NCAPG2: variants seen among roughly 807,000 people sequenced by gnomAD.
NCAPG2 encodes non-SMC condensin II complex subunit G2.
A neutral mutation model predicts 141.1 loss-of-function variants in NCAPG2; 53 were observed. The observed-to-expected ratio is 0.38, with a 90% CI of 0.30 to 0.47. The LOEUF is 0.47. Ranked by LOEUF, NCAPG2 falls within the 20% of genes least tolerant of loss-of-function variation. The pLI is 0.99. For missense variants in NCAPG2, 1,087 were observed against 1,389.0 expected (o/e 0.78, Z 3.46); for synonymous variants, 499 against 490.7 (o/e 1.02, Z -0.22).
chr7:158,636,955 CTTT>C (rs913863331), intron 27 of NCAPG2, among the ~76,000 whole-genome samples: 16 of 148,252 alleles, frequency 1.1e-4, no homozygotes, highest in African/African-American at 4.0e-4. Context: ...TCTTCTTCTT[CTTT>C]TTTTTTTGAG....
intron 25 of NCAPG2, among the ~76,000 whole-genome samples, chr7:158,645,834 T>C (rs540148097): frequency 1.3e-5 from 2 of 152,306 alleles, no homozygotes; most frequent in East Asian, 3.9e-4. Flanking sequence ...ACAGGGATGC[T>C]GTGCTGAGTG....
rs915711693 is a variant in NCAPG2 at position 158,633,234 on chromosome 7, C to T, written c.3381-1517G>A. 7.9e-5 allele frequency among the ~76,000 whole-genome samples: 12 copies of T among 152,170 alleles called. No individual in the cohort carries two copies. Among genetic ancestry groups the T allele is most frequent in the Non-Finnish European group, 1.8e-4 (12 of 68,040 alleles). On this transcript the variant is annotated intron_variant, in intron 27 of 27. Transcript: ENST00000356309. This position sits in a 1 kb window ranked among gnomAD's most constrained non-coding sequence, Gnocchi z 4.1. ...TCTATCCCCACCCTCGTGACCTCTC[C>T]TCGTGAGTATTTATGGTCTATGTTC...
intron 8 of NCAPG2, 52 bp from the exon 9 acceptor site, chr7:158,683,438 C>A: frequency 7.3e-7 from 1 of 1,370,832 alleles, no homozygotes; most frequent in South Asian, 1.3e-5. Flanking sequence ...GTCCTACTGA[C>A]GACCTGACAA....
At chr7:158,635,965 T>C (rs1430843717) in intron 27 of NCAPG2, among the ~76,000 whole-genome samples, 2 of 152,244 alleles carry the variant, frequency 1.3e-5, no homozygotes, top group African/African-American at 4.8e-5. Flanking sequence ...TTCATCAATT[T>C]GTCAGATTGA....
At chr7:158,668,372 A>G (rs1161149366) in intron 13 of NCAPG2, 59 of 977,002 alleles carry the variant, frequency 6.0e-5, no homozygotes, top group Non-Finnish European at 6.6e-5. Context: ...CTTACCCACT[A>G]CTGGGTCCCT....
Position 158,650,941 on chromosome 7 carries a change from T to C in NCAPG2, c.2966A>G (p.Glu989Gly). The change falls in exon 24 of 28, where the codon GAG becomes GGG. Residue 989 changes from glutamate to glycine, a missense_variant. Physicochemically the swap from Glu to Gly is moderately conservative, Grantham distance 98. Coordinates refer to ENST00000356309, the MANE Select transcript of NCAPG2 (RefSeq NM_017760.7). ...LLYSVQRPLHEFITAVQSRHT... is the reference protein window; with the variant it reads ...LLYSVQRPLHGFITAVQSRHT... ...CCGAGACTGAACAGCAGTAATGAAC[T>C]CATGAAGAGGCCTCTGAACAGAATA... 6.2e-7 allele frequency: 1 copy of C among 1,612,770 alleles called. No homozygotes were observed.
chr7:158,657,084 T>C (rs1001426916), intron 17 of NCAPG2, among the ~76,000 whole-genome samples: 2 of 152,334 alleles, frequency 1.3e-5, no homozygotes, highest in East Asian at 3.9e-4. Context: ...ATAATTTTTA[T>C]TGAGATAATC....
At chr7:158,647,033 A>C (rs891735129) in intron 24 of NCAPG2, among the ~76,000 whole-genome samples, 1 of 140,450 alleles carries the variant, frequency 7.1e-6, no homozygotes, top group African/African-American at 2.7e-5. Context: ...TCAATATGAC[A>C]AAAAAAAAAA....
At chr7:158,679,868 T>C (rs1834337144) in intron 11 of NCAPG2, 92 bp downstream of exon 11, 1 of 1,475,992 alleles carries the variant, frequency 6.8e-7, no homozygotes, top group Non-Finnish European at 9.1e-7. Flanking sequence ...CTCTGGCGGT[T>C]ACAGGGGAGG....
At chr7:158,662,454 C>A (rs1255969102) in intron 15 of NCAPG2, 87 bp from the exon 16 acceptor site, 3 of 1,209,086 alleles carry the variant, frequency 2.5e-6, no homozygotes, top group East Asian at 5.1e-5. Context: ...AGCTCTAAAG[C>A]AAAAATGTAG....
At chr7:158,654,481 G>T in intron 22 of NCAPG2, 114 bp downstream of exon 22, 2 of 1,051,338 alleles carry the variant, frequency 1.9e-6, no homozygotes, top group Non-Finnish European at 2.7e-6. Flanking sequence ...GATATGCCAG[G>T]TTGCATTATA....
intron 27 of NCAPG2, among the ~76,000 whole-genome samples, chr7:158,643,390 T>C (rs1830776162): frequency 6.6e-6 from 1 of 151,922 alleles, no homozygotes; most frequent in Non-Finnish European, 1.5e-5. Context: ...CTAATTTTTG[T>C]ATTTTTAGTA....
chr7:158,636,663 A>G (rs1830221704), intron 27 of NCAPG2, among the ~76,000 whole-genome samples: 1 of 152,062 alleles, frequency 6.6e-6, no homozygotes, highest in Non-Finnish European at 1.5e-5. Flanking sequence ...CAGCCTCCCA[A>G]AGTGCTGGGA....
chr7:158,690,525 T>G (rs376502551), intron 5 of NCAPG2, 43 bp downstream of exon 5: 38 of 1,581,858 alleles, frequency 2.4e-5, no homozygotes, highest in Non-Finnish European at 3.3e-5. Context: ...ATCTGGGCAA[T>G]AGAGAGAGAC....
At chr7:158,652,637 G>A (rs1044380145) in intron 22 of NCAPG2, among the ~76,000 whole-genome samples, 157 bp from the exon 23 acceptor site, 8 of 152,192 alleles carry the variant, frequency 5.3e-5, no homozygotes, top group African/African-American at 1.9e-4. Context: ...GGTTGATCAG[G>A]TTAACCTAAA....
Position 158,687,430 on chromosome 7 carries a change from G to A in NCAPG2, c.685C>T (p.Leu229Phe). 6.2e-7 allele frequency: 1 copy of A among 1,603,040 alleles called. No homozygotes were observed. Among genetic ancestry groups the A allele is most frequent in the Non-Finnish European group, 8.5e-7 (1 of 1,174,376 alleles). Reference sequence around the variant, plus strand: ...ATATTCCAGTTGAAGAGACAACTAAGAAATCTTCTTCCCTAGAAATAAAAA... The same window carrying A: ...ATATTCCAGTTGAAGAGACAACTAAAAAATCTTCTTCCCTAGAAATAAAAA... ...YIKKEEGRRF[L>F]SCLFNWNINF... is the part of the protein sequence containing the mutation. Residue 229 changes from leucine to phenylalanine, a missense_variant, in exon 7 of 28, where the codon CTT (leucine) becomes TTT (phenylalanine). Leu to Phe is a conservative substitution (Grantham distance 22, BLOSUM62 0). Coordinates refer to ENST00000356309, the MANE Select transcript of NCAPG2 (RefSeq NM_017760.7).
rs541676912 is a variant in NCAPG2, at chr7:158,658,265, A to G, written c.2060+73T>C. ...AAGCTAAATGTTATGGTCTGCTGACATGAATTAATAATTCAGCACAACAAT... is the reference window on the plus strand; with the variant it reads ...AAGCTAAATGTTATGGTCTGCTGACGTGAATTAATAATTCAGCACAACAAT... On this transcript the variant is annotated intron_variant, in intron 17 of 27. Coordinates refer to ENST00000356309, the MANE Select transcript of NCAPG2 (RefSeq NM_017760.7). 3.6e-6 allele frequency: 5 copies of G among 1,382,000 alleles called. No individual in the cohort carries two copies. The South Asian group carries it at 7.0e-5, about 19-fold the overall frequency. The allele number at this position is 1,382,000 out of a possible 1,614,324, so 85.6% of individuals were successfully genotyped here.
intron 15 of NCAPG2, among the ~76,000 whole-genome samples, chr7:158,663,039 C>A (rs1444221318): frequency 6.6e-6 from 1 of 152,234 alleles, no homozygotes; most frequent in Non-Finnish European, 1.5e-5. Context: ...CCTCTTCTAC[C>A]CAGAGCCAGC....
intron 12 of NCAPG2, 39 bp from the exon 13 acceptor site, chr7:158,671,705 C>T (rs372268010): frequency 6.2e-7 from 1 of 1,604,342 alleles, no homozygotes. Context: ...AAAATCAGAA[C>T]ATGCCAATGA....
Sources: gnomAD v4.1 joint callset for allele counts (sites outside exome capture counted in the v4.1 genomes callset) on GRCh38, gnomAD v4.1.1 for gene constraint, Gnocchi (gnomAD v3.1) non-coding constraint, MANE v1.5 for transcripts, NCBI Gene and HGNC (gene_info 2026-07-23, HGNC 2026-07-21) for gene names.